The following CHST8 variants were observed in gnomAD, a reference collection of about 807,000 sequenced individuals.
CHST8 encodes the protein GALNAC-4-ST1.
Under a neutral mutation model 15.0 loss-of-function variants are expected in CHST8, and 10 were observed. The ratio of observed to expected loss-of-function variants is 0.67; its 90% CI spans 0.41 to 1.13. The LOEUF (loss-of-function observed/expected upper bound fraction) is 1.13, where lower values mean the gene tolerates loss of function less well. CHST8 is among the 50% of genes most tolerant of loss of function. The pLI is 0.00. For synonymous variants in CHST8, 259 were observed against 256.6 expected (o/e 1.01, Z -0.09); for missense variants, 634 against 608.2 (o/e 1.04, Z -0.45).
intron 2 of CHST8, among the ~76,000 whole-genome samples, chr19:33,677,363 G>A (rs981683362): frequency 2.6e-5 from 4 of 152,218 alleles, no homozygotes; most frequent in Non-Finnish European, 5.9e-5. Flanking sequence ...GAGGGCATGT[G>A]AAACCCAGGA....
chr19:33,655,151 C>G (rs1186257737), intron 1 of CHST8, among the ~76,000 whole-genome samples: 3 of 152,136 alleles, frequency 2.0e-5, no homozygotes, highest in Non-Finnish European at 4.4e-5. Flanking sequence ...ATTCTCATGC[C>G]TCAGCCTCCT....
At chr19:33,687,390 G>C (rs1371031929) in intron 2 of CHST8, among the ~76,000 whole-genome samples, 1 of 152,230 alleles carries the variant, frequency 6.6e-6, no homozygotes. Flanking sequence ...CTCTTTGCAG[G>C]CAAGGCAGGG....
At chr19:33,765,072 A>C (rs1974807111) in intron 3 of CHST8, among the ~76,000 whole-genome samples, 1 of 146,856 alleles carries the variant, frequency 6.8e-6, no homozygotes, top group East Asian at 1.9e-4. Context: ...ATATATATAT[A>C]TCAGAGTTTC....
chr19:33,701,445 G>A (rs1973334717), intron 3 of CHST8, among the ~76,000 whole-genome samples: 1 of 152,204 alleles, frequency 6.6e-6, no homozygotes, highest in Admixed American at 6.5e-5. Flanking sequence ...TCACATCGCT[G>A]TAATCTGAAA....
At chr19:33,675,891 A>G (rs1481018850) in intron 2 of CHST8, among the ~76,000 whole-genome samples, 1 of 152,214 alleles carries the variant, frequency 6.6e-6, no homozygotes, top group Non-Finnish European at 1.5e-5. Flanking sequence ...TCCAGGGGTC[A>G]CGTGCCTTTC....
intron 3 of CHST8, among the ~76,000 whole-genome samples, chr19:33,759,476 G>A (rs541392990): frequency 2.6e-5 from 4 of 152,016 alleles, no homozygotes; most frequent in South Asian, 4.2e-4. Context: ...CCCAGAAAAT[G>A]GCAGCCTCCA....
At chr19:33,674,496 G>A (rs1036035149) in intron 2 of CHST8, among the ~76,000 whole-genome samples, 3 of 152,194 alleles carry the variant, frequency 2.0e-5, no homozygotes, top group Admixed American at 2.0e-4. Flanking sequence ...TGCATGCAGC[G>A]CAGCACTTCT....
In CHST8 at chr19:33,719,028, G is replaced by T. The variant is rs558069920; in HGVS notation, c.130+29637G>T. 5.3e-5 allele frequency among the ~76,000 whole-genome samples: 8 copies of T among 152,160 alleles called. No individual in the cohort carries two copies. In the South Asian group the frequency reaches 1.7e-3, roughly 32 times the overall value. On this transcript the variant is annotated intron_variant, in intron 3 of 4. Transcript: ENST00000650847. Reference sequence around the variant, plus strand: ...ACTCCAGGGCTTCCACCCGAGACCTGGGCTCCCGGGACTGGGTGTGCCCAG... The same window carrying T: ...ACTCCAGGGCTTCCACCCGAGACCTTGGCTCCCGGGACTGGGTGTGCCCAG...
intron 1 of CHST8, among the ~76,000 whole-genome samples, chr19:33,667,144 G>T (rs1471276072): frequency 6.6e-6 from 1 of 152,156 alleles, no homozygotes; most frequent in African/African-American, 2.4e-5. Flanking sequence ...TGAAGAATGG[G>T]GTTTGCAGAT....
intron 3 of CHST8, among the ~76,000 whole-genome samples, chr19:33,719,593 C>A (rs1973739018): frequency 6.6e-6 from 1 of 151,948 alleles, no homozygotes; most frequent in African/African-American, 2.4e-5. Flanking sequence ...CCTAGGGAGA[C>A]TGGACTGCAG....
intron 3 of CHST8, among the ~76,000 whole-genome samples, chr19:33,715,992 C>T (rs1973658153): frequency 6.6e-6 from 1 of 152,220 alleles, no homozygotes; most frequent in African/African-American, 2.4e-5. Flanking sequence ...GCAAGCCTGT[C>T]ACCCAACGTC....
At chr19:33,693,243 T>G (rs1214940922) in intron 3 of CHST8, among the ~76,000 whole-genome samples, 1 of 152,122 alleles carries the variant, frequency 6.6e-6, no homozygotes, top group Non-Finnish European at 1.5e-5. Context: ...CAACCTCAGG[T>G]GATCTGCCCA....
intron 3 of CHST8, among the ~76,000 whole-genome samples, chr19:33,755,916 G>A (rs1170966859): frequency 1.3e-5 from 2 of 152,204 alleles, no homozygotes; most frequent in Non-Finnish European, 2.9e-5. Flanking sequence ...TGGTGGAGAT[G>A]TGCAGGCAGA....
intron 3 of CHST8, among the ~76,000 whole-genome samples, chr19:33,762,100 C>G (rs914800550): frequency 6.6e-6 from 1 of 152,182 alleles, no homozygotes; most frequent in Non-Finnish European, 1.5e-5. Flanking sequence ...TGATCCCATG[C>G]GACATGCACA....
intron 2 of CHST8, among the ~76,000 whole-genome samples, chr19:33,674,721 C>G (rs78823837): frequency 0.014 from 2,119 of 152,284 alleles, 37 homozygotes; most frequent in African/African-American, 0.047. Context: ...CCCCCAACCA[C>G]AGGCCACCCT....
At chr19:33,747,642 A>G (rs1247620676) in intron 3 of CHST8, among the ~76,000 whole-genome samples, 2 of 152,146 alleles carry the variant, frequency 1.3e-5, no homozygotes, top group South Asian at 4.1e-4. Flanking sequence ...CCCCGGCAGG[A>G]GCAGGAGAGG....
In CHST8 at chr19:33,772,023, T is replaced by A. The variant is rs1160207900; in HGVS notation, c.235T>A (p.Leu79Ile). ...KEPTERVTRD[L>I]SSGAPRGRNL... is the part of the protein sequence containing the mutation. Reference sequence around the variant, plus strand: ...ACCCACAGAGAGGGTCACTCGGGACTTATCCAGTGGGGCCCCGAGGGGCCG... The same window carrying A: ...ACCCACAGAGAGGGTCACTCGGGACATATCCAGTGGGGCCCCGAGGGGCCG... The change falls in exon 5 of 5, where the codon TTA (leucine) becomes ATA (isoleucine). Residue 79 changes from leucine to isoleucine, a missense_variant. Transcript: ENST00000650847. The A allele has an allele frequency of 5.0e-6, 8 of 1,611,206 alleles. No homozygotes were observed. The highest frequency in any genetic ancestry group is 5.9e-6 in the Non-Finnish European group (7 of 1,179,364).
chr19:33,666,640 G>C (rs996492039), intron 1 of CHST8, among the ~76,000 whole-genome samples: 1 of 152,164 alleles, frequency 6.6e-6, no homozygotes, highest in Non-Finnish European at 1.5e-5. Flanking sequence ...AATTCCTCTT[G>C]TTAGTAAGAT....
intron 3 of CHST8, among the ~76,000 whole-genome samples, chr19:33,757,465 A>G (rs1199528868): frequency 7.1e-4 from 33 of 46,174 alleles, no homozygotes; most frequent in South Asian, 3.6e-3. Flanking sequence ...AAAGAAAGAA[A>G]GAAAGAAAGA....
Sources: gnomAD v4.1 joint callset for allele counts (sites outside exome capture counted in the v4.1 genomes callset) on GRCh38, gnomAD v4.1.1 for gene constraint, MANE v1.5 for transcripts, NCBI Gene and HGNC (gene_info 2026-07-23, HGNC 2026-07-21) for gene names.